Variants in SLC2A13 observed in about 807,000 individuals in gnomAD.
The protein encoded by SLC2A13 is solute carrier family 2 member 13, also known as proton myo-inositol cotransporter.
In SLC2A13, 32 loss-of-function variants were observed where a neutral mutation model predicts 64.4. The observed-to-expected ratio is 0.50, with a 90% CI of 0.37 to 0.67. SLC2A13 has a LOEUF of 0.67. Among genes scored for constraint, SLC2A13 ranks in the 30% least tolerant of loss-of-function variants. The pLI is 0.00. For missense variants in SLC2A13, 743 were observed against 829.2 expected (o/e 0.90, Z 1.28); for synonymous variants, 338 against 327.1 (o/e 1.03, Z -0.36).
chr12:40,067,000 C>A, intron 1 of SLC2A13, among the ~76,000 whole-genome samples: 1 of 151,984 alleles, frequency 6.6e-6, no homozygotes, highest in East Asian at 1.9e-4. Flanking sequence ...ATAGACAGAA[C>A]ATGTTTGAAT....
chr12:39,909,589 C>A (rs1310713343), intron 4 of SLC2A13, among the ~76,000 whole-genome samples: 1 of 152,026 alleles, frequency 6.6e-6, no homozygotes, highest in Non-Finnish European at 1.5e-5. Context: ...TGAATAAATG[C>A]AAGTCTTTAT....
intron 1 of SLC2A13, among the ~76,000 whole-genome samples, chr12:40,071,625 A>T (rs1937961489): frequency 6.6e-6 from 1 of 152,152 alleles, no homozygotes; most frequent in Non-Finnish European, 1.5e-5. Context: ...TTGTAAACCC[A>T]TCTGAACCTG....
At chr12:39,824,978 A>G (rs1400697809) in intron 7 of SLC2A13, among the ~76,000 whole-genome samples, 2 of 152,224 alleles carry the variant, frequency 1.3e-5, no homozygotes, top group African/African-American at 2.4e-5. Flanking sequence ...TAAACTGACT[A>G]GAATCTGTGT....
Position 40,082,656 on chromosome 12 carries a change from G to A in SLC2A13, c.556+22597C>T, listed in dbSNP as rs1480408121. On this transcript the variant is annotated intron_variant, in intron 1 of 9. Coordinates refer to ENST00000280871, the MANE Select transcript of SLC2A13 (RefSeq NM_052885.4). Reference sequence around the variant, plus strand: ...TAAAGCCACCTAGAGGAGTACAGTGGGCCTTGAAGGATGAGCACCCATGAC... The same window carrying A: ...TAAAGCCACCTAGAGGAGTACAGTGAGCCTTGAAGGATGAGCACCCATGAC... Among the ~76,000 whole-genome samples the A allele has an allele frequency of 2.0e-5, 3 of 152,242 alleles. No homozygotes were observed. The East Asian group carries it at 5.8e-4, about 29-fold the overall frequency.
intron 3 of SLC2A13, among the ~76,000 whole-genome samples, chr12:39,983,025 A>G (rs1018733188): frequency 1.3e-5 from 2 of 148,320 alleles, no homozygotes; most frequent in African/African-American, 2.5e-5. Flanking sequence ...ATAACGCCGC[A>G]TACCTACAAC....
chr12:40,004,654 A>C (rs968125819), intron 3 of SLC2A13, among the ~76,000 whole-genome samples: 1 of 151,864 alleles, frequency 6.6e-6, no homozygotes, highest in Non-Finnish European at 1.5e-5. Context: ...AAAATGTCGA[A>C]GATCATGTTA....
intron 4 of SLC2A13, among the ~76,000 whole-genome samples, chr12:39,939,071 T>C (rs142251963): frequency 1.3e-5 from 2 of 152,302 alleles, no homozygotes; most frequent in Admixed American, 1.3e-4. Flanking sequence ...CAATCTACAC[T>C]GTTCCTTGGA....
At chr12:39,891,666 T>C (rs910366307) in intron 4 of SLC2A13, among the ~76,000 whole-genome samples, 1 of 152,164 alleles carries the variant, frequency 6.6e-6, no homozygotes, top group Non-Finnish European at 1.5e-5. Flanking sequence ...TGTATTACTA[T>C]TGCAATTTTA....
Position 39,760,126 on chromosome 12 carries a change from C to A in SLC2A13, c.1847G>T (p.Cys616Phe), listed in dbSNP as rs757975939. 6.2e-7 allele frequency: 1 copy of A among 1,613,006 alleles called. No individual in the cohort carries two copies. Among genetic ancestry groups the A allele is most frequent in the Non-Finnish European group, 8.5e-7 (1 of 1,179,376 alleles). Residue 616 changes from cysteine (C) to phenylalanine (F), a missense_variant, in exon 10 of 10, where the codon TGT (cysteine) becomes TTT (phenylalanine). Cys to Phe is a radical substitution (Grantham distance 205, BLOSUM62 -2). Transcript: ENST00000280871. ...ESLFDNRLCT[C>F]GTSDSDEGRY... ...CCCTTCATCAGAATCTGAAGTGCCA[C>A]ATGTACATAGCCTGTTGTCAAAGAG... is the stretch of plus-strand genomic sequence containing the variant.
At chr12:39,838,800 T>C (rs1416615789) in intron 6 of SLC2A13, among the ~76,000 whole-genome samples, 1 of 152,138 alleles carries the variant, frequency 6.6e-6, no homozygotes. Context: ...TTTTAGTTTC[T>C]ACTCTGTGAA....
Position 40,058,839 on chromosome 12 carries a change from A to G in SLC2A13, c.557-10629T>C, listed in dbSNP as rs369694933. 2.6e-5 allele frequency among the ~76,000 whole-genome samples: 4 copies of G among 152,320 alleles called. No homozygotes were observed. In the East Asian group the frequency reaches 5.8e-4, roughly 22 times the overall value. On this transcript the variant is annotated intron_variant, in intron 1 of 9. Coordinates refer to ENST00000280871, the MANE Select transcript of SLC2A13 (RefSeq NM_052885.4). ...TATTCTGAGAAACAGACTCTACATT[A>G]TATGACAAACACTTCATGAACGAGT...
chr12:39,844,168 T>G (rs1943248653), intron 6 of SLC2A13, among the ~76,000 whole-genome samples: 1 of 152,088 alleles, frequency 6.6e-6, no homozygotes, highest in Non-Finnish European at 1.5e-5. Context: ...CCTTCCAATA[T>G]AGTTAACTAG....
At chr12:39,794,877 T>A (rs1347841589) in intron 7 of SLC2A13, among the ~76,000 whole-genome samples, 1 of 152,218 alleles carries the variant, frequency 6.6e-6, no homozygotes, top group Non-Finnish European at 1.5e-5. Flanking sequence ...TAAATTCTCT[T>A]CTGAAGAAAT....
intron 1 of SLC2A13, among the ~76,000 whole-genome samples, chr12:40,084,650 T>A (rs1430326356): frequency 6.6e-6 from 1 of 151,996 alleles, no homozygotes; most frequent in Admixed American, 6.6e-5. Flanking sequence ...ACAGCTTCAT[T>A]TTTTTTTAAA....
intron 4 of SLC2A13, among the ~76,000 whole-genome samples, chr12:39,877,677 T>C (rs1226694388): frequency 6.6e-6 from 1 of 152,236 alleles, no homozygotes; most frequent in East Asian, 1.9e-4. Flanking sequence ...TGAACTTACA[T>C]TTAAAAACAT....
intron 4 of SLC2A13, among the ~76,000 whole-genome samples, chr12:39,947,792 C>G (rs1303538765): frequency 2.6e-5 from 4 of 151,298 alleles, no homozygotes; most frequent in African/African-American, 9.7e-5. Context: ...TCCCGAGTAG[C>G]TGGGACTACA....
chr12:40,026,961 T>C (rs1332016700), intron 3 of SLC2A13, among the ~76,000 whole-genome samples: 2 of 151,554 alleles, frequency 1.3e-5, no homozygotes, highest in African/African-American at 4.9e-5. Flanking sequence ...ATGCCTATAA[T>C]CCCAGCTACT....
intron 4 of SLC2A13, among the ~76,000 whole-genome samples, chr12:39,904,506 C>T (rs1945215656): frequency 6.6e-6 from 1 of 152,122 alleles, no homozygotes; most frequent in African/African-American, 2.4e-5. Context: ...TTATGGTATA[C>T]TTCAAGACCT....
chr12:39,803,357 G>A (rs1216744485), intron 7 of SLC2A13, among the ~76,000 whole-genome samples: 1 of 152,110 alleles, frequency 6.6e-6, no homozygotes, highest in Non-Finnish European at 1.5e-5. Flanking sequence ...GCCAGTAGAT[G>A]ACAGCAGTGG....
Sources: gnomAD v4.1 joint callset for allele counts (sites outside exome capture counted in the v4.1 genomes callset) on GRCh38, gnomAD v4.1.1 for gene constraint, MANE v1.5 for transcripts, NCBI Gene and HGNC (gene_info 2026-07-23, HGNC 2026-07-21) for gene names.